Variants in PRR14L observed in about 807,000 individuals in gnomAD.
The protein encoded by PRR14L is proline rich 14 like.
In PRR14L, 80 loss-of-function variants were observed where a neutral mutation model predicts 155.0. The observed-to-expected ratio is 0.52, with a 90% CI of 0.43 to 0.62. PRR14L has a LOEUF of 0.62. Among genes scored for constraint, PRR14L ranks in the 20% least tolerant of loss-of-function variants. The pLI is 0.00. For synonymous variants in PRR14L, 883 were observed against 916.0 expected, an observed-to-expected ratio of 0.96 and a Z score of 0.65; for missense variants, 2,469 against 2,548.0, an observed-to-expected ratio of 0.97 and a Z score of 0.67.
At position 31,716,585 on chromosome 22, in the gene PRR14L, C is replaced by A; in HGVS notation, c.1254G>T (p.Arg418Ser). Reference protein sequence around the residue: ...ERGGPFLFNAREPEKEISGRC... With the variant: ...ERGGPFLFNASEPEKEISGRC... ...GACCACTAATCTCCTTTTCTGGTTC[C>A]CTGGCATTAAAAAGAAAAGGTCCAC... The change falls in exon 4 of 9, where the codon AGG (arginine) becomes AGT (serine). Residue 418 changes from arginine to serine, a missense_variant. By Grantham distance (110) the Arg-to-Ser change is moderately radical. Transcript: ENST00000327423. 2 of 1,549,314 alleles carry A rather than the reference C, an allele frequency of 1.3e-6. No homozygotes were observed. The highest frequency in any genetic ancestry group is 1.7e-6 in the Non-Finnish European group (2 of 1,146,448).
chr22:31,710,664 C>CA (rs1256123928), intron 4 of PRR14L, among the ~76,000 whole-genome samples: 1 of 152,016 alleles, frequency 6.6e-6, no homozygotes, highest in Non-Finnish European at 1.5e-5. Flanking sequence ...CGGTGTTAGC[C>CA]AGGATGGTCT....
intron 4 of PRR14L, 98 bp from the exon 5 acceptor site, chr22:31,704,824 A>G (rs2074581500): frequency 1.3e-6 from 1 of 745,424 alleles, no homozygotes; most frequent in African/African-American, 1.8e-5. Flanking sequence ...GATAGCCCCA[A>G]GAAGACAAGA....
At chr22:31,687,350 TTTC>T (rs751082950) in intron 8 of PRR14L, among the ~76,000 whole-genome samples, 2 of 150,302 alleles carry the variant, frequency 1.3e-5, no homozygotes, top group Non-Finnish European at 3.0e-5. Context: ...CTACATTTTC[TTTC>T]TTCTTTTTTT....
At chr22:31,749,863 T>A (rs1314711605) in intron 1 of PRR14L, 130 bp downstream of exon 1, 1 of 152,398 alleles carries the variant, frequency 6.6e-6, no homozygotes, top group Admixed American at 6.5e-5. Context: ...GCAGCCTTGG[T>A]TCCTTTCCGC....
chr22:31,736,026 C>T (rs1435942820), intron 2 of PRR14L, among the ~76,000 whole-genome samples: 2 of 147,810 alleles, frequency 1.4e-5, no homozygotes, highest in East Asian at 2.0e-4. Context: ...GCACTCCAGC[C>T]TGGGCAACAG....
chr22:31,742,313 G>A (rs2147877948), intron 1 of PRR14L, among the ~76,000 whole-genome samples: 1 of 151,322 alleles, frequency 6.6e-6, no homozygotes, highest in Middle Eastern at 3.4e-3. Flanking sequence ...TCACTTTCTT[G>A]ATAACGTCAT....
At position 31,738,854 on chromosome 22, in the gene PRR14L, A is replaced by C; in HGVS notation, c.7T>G (p.Ser3Ala). 1 of 1,536,104 alleles carries C rather than the reference A, an allele frequency of 6.5e-7. No individual in the cohort carries two copies. The highest frequency in any genetic ancestry group is 8.8e-7 in the Non-Finnish European group (1 of 1,142,710). ...ACTGGCTGAGTCTCTACTCCAGATG[A>C]CAGCATTAGGACAGATGCAGATTAT... ML[S>A]SGVETQPVPL... Residue 3 changes from serine (S) to alanine (A), a missense_variant, in exon 2 of 9, where the codon TCA becomes GCA. By Grantham distance (99) the Ser-to-Ala change is moderately conservative (BLOSUM62 1). Around this residue, in one of 2 missense-constraint regions of PRR14L, gnomAD observed 2,363 missense variants for 2,371.6 expected, o/e 1.00. Coordinates refer to ENST00000327423, the MANE Select transcript of PRR14L (RefSeq NM_173566.3).
chr22:31,735,310 G>A (rs1040175310), intron 2 of PRR14L, among the ~76,000 whole-genome samples: 9 of 152,228 alleles, frequency 5.9e-5, no homozygotes, highest in Admixed American at 4.6e-4. Flanking sequence ...GCGTCATGGC[G>A]GGCGCCTGTA....
chr22:31,698,290 G>A (rs1183429641), intron 7 of PRR14L, among the ~76,000 whole-genome samples: 2 of 151,902 alleles, frequency 1.3e-5, no homozygotes, highest in African/African-American at 4.8e-5. Flanking sequence ...CTCCCAATGT[G>A]CTGTGATTAC....
In PRR14L at chr22:31,715,332, TG is replaced by T. The variant is rs2074650735; in HGVS notation, c.2506del (p.Gln836LysfsTer14). On this transcript the variant is annotated frameshift_variant, in exon 4 of 9. Coordinates refer to ENST00000327423, the MANE Select transcript of PRR14L (RefSeq NM_173566.3). LOFTEE classifies it high-confidence loss of function. ...NAFQHRDHCC[Q>X]GTGHSVEKSS... ...TTTTTCCACAGAGTGTCCTGTTCCT[TG>T]GCAGCAGTGATCACGGTGCTGAAAT... 1 of 1,552,012 alleles carries T rather than the reference TG, an allele frequency of 6.4e-7. No individual in the cohort carries two copies. Among genetic ancestry groups the T allele is most frequent in the Non-Finnish European group, 8.7e-7 (1 of 1,147,082 alleles).
intron 2 of PRR14L, among the ~76,000 whole-genome samples, chr22:31,736,816 G>A (rs1447840930): frequency 6.6e-6 from 1 of 151,778 alleles, no homozygotes; most frequent in East Asian, 1.9e-4. Flanking sequence ...AGGCAGGTGG[G>A]TCACAAGGTC....
At chr22:31,737,770 T>C (rs2147875735) in intron 2 of PRR14L, among the ~76,000 whole-genome samples, 1 of 152,192 alleles carries the variant, frequency 6.6e-6, no homozygotes, top group South Asian at 2.1e-4. Context: ...CCCACCACTT[T>C]AGGAGGCTGA....
chr22:31,697,732 A>G (rs1416166892), intron 7 of PRR14L, among the ~76,000 whole-genome samples: 1 of 151,942 alleles, frequency 6.6e-6, no homozygotes, highest in Non-Finnish European at 1.5e-5. Flanking sequence ...TGGGCATGGT[A>G]GCACATGCCT....
In PRR14L at chr22:31,738,573, G is replaced by A; in HGVS notation, c.288C>T (p.Asp96=). 1 of 1,552,028 alleles carries A rather than the reference G, an allele frequency of 6.4e-7. No individual in the cohort carries two copies. The highest frequency in any genetic ancestry group is 8.7e-7 in the Non-Finnish European group (1 of 1,147,078). Residue 96 remains aspartate (D), a synonymous_variant, in exon 2 of 9, where the codon GAC becomes GAT. Transcript: ENST00000327423. ...ATGCCACAGAACCTCCTGCTGTGGA[G>A]TCCACTAGCCCACATCGCCCAGGCT... ...GSEPGRCGLV[D]STAGGSVASG... is the part of the protein sequence containing the mutation.
intron 3 of PRR14L, among the ~76,000 whole-genome samples, chr22:31,721,289 C>A (rs1000627551): frequency 6.6e-6 from 1 of 152,220 alleles, no homozygotes; most frequent in Non-Finnish European, 1.5e-5. Context: ...GGCAAAAGTG[C>A]ATCCTACCAA....
intron 8 of PRR14L, 64 bp from the exon 9 acceptor site, chr22:31,685,867 G>A: frequency 6.8e-7 from 1 of 1,466,226 alleles, no homozygotes; most frequent in South Asian, 1.3e-5. Flanking sequence ...TGTCAACAGG[G>A]TCAGGATGTT....
chr22:31,690,012 G>C (rs2074503360), intron 7 of PRR14L, among the ~76,000 whole-genome samples: 2 of 152,194 alleles, frequency 1.3e-5, no homozygotes, highest in South Asian at 4.2e-4. Flanking sequence ...TACCTCCCGG[G>C]TTCAAGCGAT....
intron 7 of PRR14L, among the ~76,000 whole-genome samples, chr22:31,697,709 T>C (rs1309886846): frequency 6.6e-6 from 1 of 151,694 alleles, no homozygotes; most frequent in Non-Finnish European, 1.5e-5. Context: ...CTACTAGAAA[T>C]ACAAAAATTA....
rs373644136 is a variant in PRR14L at position 31,707,282 on chromosome 22, C to T, written c.5757-2556G>A. On this transcript the variant is annotated intron_variant, in intron 4 of 8. Coordinates refer to ENST00000327423, the MANE Select transcript of PRR14L (RefSeq NM_173566.3). ...CATGAGGTGGGAAAGAAAGAGCTCTCGAAGACGAAAAGGGGCAAAAGGGTT... is the reference window on the plus strand; with the variant it reads ...CATGAGGTGGGAAAGAAAGAGCTCTTGAAGACGAAAAGGGGCAAAAGGGTT... Among the ~76,000 whole-genome samples, 17 of 152,154 alleles carry T rather than the reference C, an allele frequency of 1.1e-4. No individual in the cohort carries two copies. The East Asian group carries it at 2.5e-3, about 22-fold the overall frequency.
Sources: gnomAD v4.1 joint callset for allele counts (sites outside exome capture counted in the v4.1 genomes callset) on GRCh38, gnomAD v4.1.1 for gene constraint, gnomAD v4.1.1 regional missense constraint, MANE v1.5 for transcripts, NCBI Gene and HGNC (gene_info 2026-07-23, HGNC 2026-07-21) for gene names.